Variants in DTWD1 observed in about 807,000 individuals in gnomAD.
DTWD1 encodes DTW motif tRNA-uridine aminocarboxypropyltransferase 1.
In DTWD1, 27 loss-of-function variants were observed where a neutral mutation model predicts 30.2. The observed-to-expected ratio is 0.90, with a 90% CI of 0.66 to 1.23. The LOEUF is 1.23. DTWD1 is among the 50% of genes most tolerant of loss of function. The pLI is 0.00. For synonymous variants in DTWD1, 99 were observed against 113.1 expected, an observed-to-expected ratio of 0.88 and a Z score of 0.79; for missense variants, 342 against 348.8, an observed-to-expected ratio of 0.98 and a Z score of 0.15.
rs2079171498 is a variant in DTWD1, at chr15:49,655,235, TG to T, written c.*11658del. On this transcript the variant is annotated 3_prime_UTR_variant, in exon 5 of 5. Coordinates refer to ENST00000403028, the MANE Select transcript of DTWD1 (RefSeq NM_001144955.2). ...GACCCTGGGTAACACCATCTGGAGC[TG>T]AAGAACCACCAGCCAGTACACAGAA... The T allele has an allele frequency of 6.6e-6, 1 of 152,080 alleles. No individual in the cohort carries two copies. The highest frequency in any genetic ancestry group is 2.1e-4 in the South Asian group (1 of 4,830). 9.4% of individuals were successfully genotyped at this position (152,080 alleles called of 1,614,324 possible).
intron 2 of DTWD1, among the ~76,000 whole-genome samples, chr15:49,626,560 G>A (rs1466360142): frequency 2.0e-5 from 3 of 151,932 alleles, no homozygotes; most frequent in African/African-American, 4.8e-5. Flanking sequence ...ATCAATTAAT[G>A]TATAAAATTT....
In DTWD1 at chr15:49,632,127, TA is replaced by T. The variant is rs1326401097; in HGVS notation, c.265-31del. 8.0e-6 allele frequency: 12 copies of T among 1,504,576 alleles called. No homozygotes were observed. In the Admixed American group the frequency reaches 9.4e-5, roughly 12 times the overall value. The allele number at this position is 1,504,576 out of a possible 1,614,324, so 93.2% of individuals were successfully genotyped here. On this transcript the variant is annotated intron_variant, in intron 2 of 4. Coordinates refer to ENST00000403028, the MANE Select transcript of DTWD1 (RefSeq NM_001144955.2). ...TAACATAAAAATTAAAATGTTTATA[TA>T]TTTTTTTATTTGTGCTTTTTTTACC...
intron 2 of DTWD1, chr15:49,631,896 A>G: frequency 2.5e-6 from 1 of 397,496 alleles, no homozygotes; most frequent in Non-Finnish European, 4.5e-6. Flanking sequence ...TGAAAATGAC[A>G]TTGGAGCTTT....
Position 49,650,900 on chromosome 15 carries a change from G to A in DTWD1, c.*7322G>A, listed in dbSNP as rs1047932680. 2 of 152,112 alleles carry A rather than the reference G, an allele frequency of 1.3e-5. No homozygotes were observed. Among genetic ancestry groups the A allele is most frequent in the Non-Finnish European group, 2.9e-5 (2 of 68,042 alleles). The allele number at this position is 152,112 out of a possible 1,614,324, so 9.4% of individuals were successfully genotyped here. A position where few individuals can be genotyped will look rare whatever the true frequency, so the allele number is the denominator to read the frequency against. ...TCCTCTTTAGAGGACTCGACCTGTG[G>A]TAATTGTTAGTAGGAGTGATCTGAG... On this transcript the variant is annotated 3_prime_UTR_variant, in exon 5 of 5. Coordinates refer to ENST00000403028, the MANE Select transcript of DTWD1 (RefSeq NM_001144955.2).
intron 2 of DTWD1, 139 bp downstream of exon 2, chr15:49,625,570 C>A: frequency 1.0e-6 from 1 of 961,038 alleles, no homozygotes; most frequent in Non-Finnish European, 1.5e-6. Context: ...CAAAGAAAAA[C>A]TAGCACTTAG....
intron 3 of DTWD1, chr15:49,633,630 C>T (rs563085598): frequency 5.9e-5 from 16 of 271,436 alleles, no homozygotes; most frequent in South Asian, 1.9e-4. Flanking sequence ...CCACTGTGCC[C>T]GGCCAAGATT....
Position 49,643,920 on chromosome 15 carries a change from AC to A in DTWD1, c.*344del, listed in dbSNP as rs1390701813. On this transcript the variant is annotated 3_prime_UTR_variant, in exon 5 of 5. Transcript: ENST00000403028. ...TATTTCAACATCTTTATATCTTTTC[AC>A]CTGTACTCATGACCACCTTTAGAAG... 6.2e-6 allele frequency: 1 copy of A among 162,066 alleles called. No individual in the cohort carries two copies. Among genetic ancestry groups the A allele is most frequent in the African/African-American group, 2.4e-5 (1 of 41,596 alleles). The allele number at this position is 162,066 out of a possible 1,614,324, so 10.0% of individuals were successfully genotyped here.
rs927623731 is a variant in DTWD1, at chr15:49,645,571, G to A, written c.*1993G>A. 1 of 151,950 alleles carries A rather than the reference G, an allele frequency of 6.6e-6. No individual in the cohort carries two copies. Among genetic ancestry groups the A allele is most frequent in the Non-Finnish European group, 1.5e-5 (1 of 67,996 alleles). The allele number at this position is 151,950 out of a possible 1,614,324, so 9.4% of individuals were successfully genotyped here. A position where few individuals can be genotyped will look rare whatever the true frequency, so the allele number is the denominator to read the frequency against. ...TTGAATTGATTTAAGCAGGGCCAAA[G>A]TTGGATTTCTCTAGGCTAAATTTGG... On this transcript the variant is annotated 3_prime_UTR_variant, in exon 5 of 5. Coordinates refer to ENST00000403028, the MANE Select transcript of DTWD1 (RefSeq NM_001144955.2).
In DTWD1 at chr15:49,626,753, T is replaced by C. The variant is rs928958120; in HGVS notation, c.264+1322T>C. 6.7e-6 allele frequency: 3 copies of C among 445,336 alleles called. 1 individual carries two copies. The highest frequency in any genetic ancestry group is 6.0e-5 in the African/African-American group (3 of 49,974). The allele number at this position is 445,336 out of a possible 1,614,324, so 27.6% of individuals were successfully genotyped here. On this transcript the variant is annotated intron_variant, in intron 2 of 4. Coordinates refer to ENST00000403028, the MANE Select transcript of DTWD1 (RefSeq NM_001144955.2). Reference sequence around the variant, plus strand: ...TTTATTTGAATTTCAGTTTAGCCTATATCATCTTGGCCAGTCCATGGTCTC... The same window carrying C: ...TTTATTTGAATTTCAGTTTAGCCTACATCATCTTGGCCAGTCCATGGTCTC...
At position 49,625,125 on chromosome 15, in the gene DTWD1, ATG is replaced by A; in HGVS notation, c.-39_-38del. Reference sequence around the variant, plus strand: ...TTTTTTTTTACAGTGCACCTATGATATGTGTTTTAGAAATAGCCGTTAAACTT... The same window carrying A: ...TTTTTTTTTACAGTGCACCTATGATATGTTTTAGAAATAGCCGTTAAACTT... On this transcript the variant is annotated 5_prime_UTR_variant, in exon 2 of 5. An upstream open reading frame in the 5' UTR gains an earlier in-frame stop. Coordinates refer to ENST00000403028, the MANE Select transcript of DTWD1 (RefSeq NM_001144955.2). 6.3e-7 allele frequency: 1 copy of A among 1,580,906 alleles called. No homozygotes were observed. The highest frequency in any genetic ancestry group is 8.6e-7 in the Non-Finnish European group (1 of 1,156,962).
intron 4 of DTWD1, among the ~76,000 whole-genome samples, chr15:49,641,192 GT>G (rs2079061089): frequency 6.6e-6 from 1 of 151,930 alleles, no homozygotes; most frequent in African/African-American, 2.4e-5. Flanking sequence ...ATTGCTGTGA[GT>G]ATTGAAATAA....
rs2153354584 is a variant in DTWD1 at position 49,648,117 on chromosome 15, A to C, written c.*4539A>C. 6.6e-6 allele frequency: 1 copy of C among 152,252 alleles called. No individual in the cohort carries two copies. Among genetic ancestry groups the C allele is most frequent in the East Asian group, 1.9e-4 (1 of 5,182 alleles). 9.4% of individuals were successfully genotyped at this position (152,252 alleles called of 1,614,324 possible). On this transcript the variant is annotated 3_prime_UTR_variant, in exon 5 of 5. Coordinates refer to ENST00000403028, the MANE Select transcript of DTWD1 (RefSeq NM_001144955.2). ...CAGCTATTACCCTTGGTTGTAAAGGAGAAGGTTGGAGATTATTTGTATACC... is the reference window on the plus strand; with the variant it reads ...CAGCTATTACCCTTGGTTGTAAAGGCGAAGGTTGGAGATTATTTGTATACC...
rs1347456555 is a variant in DTWD1, at chr15:49,655,642, G to T, written c.*12064G>T. ...AAAAGATTATCTAGCCTACAGGGCC[G>T]ATGAGGTATAGCTTGAAGTCATTCT... On this transcript the variant is annotated 3_prime_UTR_variant, in exon 5 of 5. Coordinates refer to ENST00000403028, the MANE Select transcript of DTWD1 (RefSeq NM_001144955.2). 6.6e-6 allele frequency: 1 copy of T among 152,138 alleles called. No individual in the cohort carries two copies. Among genetic ancestry groups the T allele is most frequent in the South Asian group, 2.1e-4 (1 of 4,822 alleles). 9.4% of individuals were successfully genotyped at this position (152,138 alleles called of 1,614,324 possible).
At position 49,632,299 on chromosome 15, in the gene DTWD1, T is replaced by C. The variant is rs777031190; in HGVS notation, c.405T>C (p.His135=). The change falls in exon 3 of 5, where the codon CAT becomes CAC. Residue 135 remains histidine (H), a synonymous_variant. Transcript: ENST00000403028. ...PCIPEYEEKD[H]EVALIFPGPQ... is the part of the protein sequence containing the mutation. ...TTCCAGAATATGAAGAAAAGGACCATGAAGTAGGCAACTTAGTTTTTATAA... is the reference window on the plus strand; with the variant it reads ...TTCCAGAATATGAAGAAAAGGACCACGAAGTAGGCAACTTAGTTTTTATAA... 2 of 1,576,616 alleles carry C rather than the reference T, an allele frequency of 1.3e-6. No individual in the cohort carries two copies. Among genetic ancestry groups the C allele is most frequent in the Middle Eastern group, 1.7e-4 (1 of 5,960 alleles).
chr15:49,621,598 T>A lies in DTWD1; in HGVS notation c.-56+476T>A, dbSNP rs186123378. On this transcript the variant is annotated intron_variant, in intron 1 of 4. Transcript: ENST00000403028. The stretch of plus-strand genomic sequence containing the variant: ...CATAATAAGCAAAAGAGCCTGTTTC[T>A]TACGTCTAAATTATTTATTGGGAAT... 5.3e-5 allele frequency among the ~76,000 whole-genome samples: 8 copies of A among 152,300 alleles called. No individual in the cohort carries two copies. The East Asian group carries it at 1.5e-3, about 29-fold the overall frequency.
At chr15:49,622,657 A>G (rs1202918206) in intron 1 of DTWD1, among the ~76,000 whole-genome samples, 6 of 152,208 alleles carry the variant, frequency 3.9e-5, no homozygotes, top group Non-Finnish European at 8.8e-5. Context: ...AATTTTAAAT[A>G]ACCCCATTTG....
At position 49,653,617 on chromosome 15, in the gene DTWD1, G is replaced by A. The variant is rs539853040; in HGVS notation, c.*10039G>A. On this transcript the variant is annotated 3_prime_UTR_variant, in exon 5 of 5. Transcript: ENST00000403028. The stretch of plus-strand genomic sequence containing the variant: ...AAATTATTGAATTATTGAAATAAAT[G>A]GAGGATTGAGTTATGCATTGACAGA... 6.6e-6 allele frequency: 1 copy of A among 152,250 alleles called. No individual in the cohort carries two copies. The highest frequency in any genetic ancestry group is 2.1e-4 in the South Asian group (1 of 4,824). 9.4% of individuals were successfully genotyped at this position (152,250 alleles called of 1,614,324 possible).
chr15:49,630,766 C>T, intron 2 of DTWD1: 1 of 167,472 alleles, frequency 6.0e-6, no homozygotes, highest in South Asian at 1.2e-4. Flanking sequence ...AGGAACCAGG[C>T]CGCACACCAA....
At position 49,653,985 on chromosome 15, in the gene DTWD1, C is replaced by A. The variant is rs1009487470; in HGVS notation, c.*10407C>A. The A allele has an allele frequency of 6.6e-6, 1 of 152,056 alleles. No homozygotes were observed. The highest frequency in any genetic ancestry group is 2.1e-4 in the South Asian group (1 of 4,834). The allele number at this position is 152,056 out of a possible 1,614,324, so 9.4% of individuals were successfully genotyped here. A position where few individuals can be genotyped will look rare whatever the true frequency, so the allele number is the denominator to read the frequency against. ...ACTACCAGAGGGATGAACTGAACCA[C>A]AATCAAGGAATAGCCTCTTCCTTTG... is the stretch of plus-strand genomic sequence containing the variant. On this transcript the variant is annotated 3_prime_UTR_variant, in exon 5 of 5. Coordinates refer to ENST00000403028, the MANE Select transcript of DTWD1 (RefSeq NM_001144955.2).
Sources: allele counts gnomAD v4.1 joint callset (sites outside exome capture counted in the v4.1 genomes callset), GRCh38; gene constraint gnomAD v4.1.1; transcripts MANE v1.5; gene names NCBI Gene and HGNC (gene_info 2026-07-23, HGNC 2026-07-21).